ZNF804A: variants seen among roughly 807,000 people sequenced by gnomAD.
The protein encoded by ZNF804A is zinc finger protein 804A.
Under a neutral mutation model 16.5 loss-of-function variants are expected in ZNF804A, and 2 were observed. The observed-to-expected ratio is 0.12, with a 90% CI of 0.05 to 0.38. ZNF804A has a LOEUF of 0.38. Ranked by LOEUF, ZNF804A falls within the 10% of genes least tolerant of loss-of-function variation. The pLI, the probability that ZNF804A is intolerant of heterozygous loss-of-function variation, is 0.99. For synonymous variants in ZNF804A, 534 were observed against 489.6 expected (o/e 1.09, Z -1.20); for missense variants, 1,473 against 1,390.7 (o/e 1.06, Z -0.94).
intron 1 of ZNF804A, among the ~76,000 whole-genome samples, chr2:184,852,088 C>T (rs1160810301): frequency 6.6e-6 from 1 of 151,666 alleles, no homozygotes; most frequent in African/African-American, 2.4e-5. Context: ...GGTTATTAAA[C>T]CTTATCAAAT....
intron 1 of ZNF804A, among the ~76,000 whole-genome samples, chr2:184,607,967 A>C: frequency 3.4e-5 from 1 of 29,156 alleles, no homozygotes; most frequent in Non-Finnish European, 6.1e-5. Flanking sequence ...TTTTTTTGAG[A>C]CGGAGTCTCG....
intron 2 of ZNF804A, among the ~76,000 whole-genome samples, chr2:184,918,880 A>C (rs980726453): frequency 9.9e-5 from 15 of 152,178 alleles, no homozygotes; most frequent in African/African-American, 3.1e-4. Flanking sequence ...TGTTTAGTGT[A>C]AAGTGCCTGT....
intron 1 of ZNF804A, among the ~76,000 whole-genome samples, chr2:184,825,981 G>A (rs1037897515): frequency 2.6e-5 from 4 of 151,896 alleles, no homozygotes; most frequent in African/African-American, 7.3e-5. Flanking sequence ...AAGCGATTCT[G>A]TTACCTCATC....
At chr2:184,813,621 T>G (rs919393591) in intron 1 of ZNF804A, among the ~76,000 whole-genome samples, 2 of 152,042 alleles carry the variant, frequency 1.3e-5, no homozygotes, top group East Asian at 3.9e-4. Context: ...TAGCAGAAAT[T>G]TAAGAAGTGA....
At chr2:184,893,958 T>G (rs1261292803) in intron 2 of ZNF804A, among the ~76,000 whole-genome samples, 1 of 152,196 alleles carries the variant, frequency 6.6e-6, no homozygotes, top group East Asian at 1.9e-4. Context: ...AGATTCAGAA[T>G]GCCTAGCAAG....
At chr2:184,809,455 T>C (rs943301407) in intron 1 of ZNF804A, among the ~76,000 whole-genome samples, 8 of 151,834 alleles carry the variant, frequency 5.3e-5, no homozygotes, top group Admixed American at 4.6e-4. Context: ...ATTTAAAATA[T>C]AGAAAATATT....
chr2:184,599,981 A>T (rs1307669824), intron 1 of ZNF804A, among the ~76,000 whole-genome samples: 1 of 152,338 alleles, frequency 6.6e-6, no homozygotes, highest in East Asian at 1.9e-4. Flanking sequence ...ATAAAGGCTC[A>T]TTAGGCTTAG....
At chr2:184,766,995 A>G (rs937922625) in intron 1 of ZNF804A, among the ~76,000 whole-genome samples, 9 of 152,172 alleles carry the variant, frequency 5.9e-5, no homozygotes, top group African/African-American at 2.2e-4. Context: ...AGAGGCATGC[A>G]ACTACAGAAA....
intron 1 of ZNF804A, among the ~76,000 whole-genome samples, chr2:184,809,380 A>G (rs1264707073): frequency 6.6e-6 from 1 of 151,908 alleles, no homozygotes; most frequent in African/African-American, 2.4e-5. Context: ...ATTTCCTGAT[A>G]TAAGCCAATA....
intron 1 of ZNF804A, among the ~76,000 whole-genome samples, chr2:184,762,192 CTTTCT>C (rs1478457009): frequency 2.4e-3 from 270 of 110,784 alleles, no homozygotes; most frequent in African/African-American, 8.3e-3. Context: ...GAAATGCTTT[CTTTCT>C]TTTCTTTTCT....
At position 184,598,896 on chromosome 2, in the gene ZNF804A, C is replaced by A; in HGVS notation, c.-64C>A. 1 of 1,165,210 alleles carries A rather than the reference C, an allele frequency of 8.6e-7. No individual in the cohort carries two copies. The highest frequency in any genetic ancestry group is 2.8e-5 in the Admixed American group (1 of 36,030). The allele number at this position is 1,165,210 out of a possible 1,614,324, so 72.2% of individuals were successfully genotyped here. The stretch of plus-strand genomic sequence containing the variant: ...GCCCACCGTCGCCGGCCCCGGCGCG[C>A]TGCGGCTGTGGGCGCGGGGTGCGTG... On this transcript the variant is annotated 5_prime_UTR_variant, in exon 1 of 4. The change creates a new upstream start codon in the 5' untranslated region. Coordinates refer to ENST00000302277, the MANE Select transcript of ZNF804A (RefSeq NM_194250.2).
chr2:184,832,801 A>G (rs16826220), intron 1 of ZNF804A, among the ~76,000 whole-genome samples: 5,452 of 151,996 alleles, frequency 0.036, 323 homozygotes, highest in African/African-American at 0.12. Context: ...TATTATACCA[A>G]AAGTTCATTG....
At chr2:184,933,875 G>A in intron 3 of ZNF804A, 142 bp downstream of exon 3, 1 of 760,526 alleles carries the variant, frequency 1.3e-6, no homozygotes, top group South Asian at 3.1e-5. Flanking sequence ...TCTGTAGGCT[G>A]TAAACAGTAA....
chr2:184,789,953 T>A (rs912473199), intron 1 of ZNF804A, among the ~76,000 whole-genome samples: 1 of 152,092 alleles, frequency 6.6e-6, no homozygotes, highest in Non-Finnish European at 1.5e-5. Context: ...CTTTTTGACA[T>A]AGACATTTAA....
rs546451562 is a variant in ZNF804A at position 184,631,095 on chromosome 2, T to C, written c.111+32025T>C. Among the ~76,000 whole-genome samples the C allele has an allele frequency of 2.0e-5, 3 of 152,300 alleles. No individual in the cohort carries two copies. In the East Asian group the frequency reaches 5.8e-4, roughly 29 times the overall value. On this transcript the variant is annotated intron_variant, in intron 1 of 3. Coordinates refer to ENST00000302277, the MANE Select transcript of ZNF804A (RefSeq NM_194250.2). ...TCCTTAAATAGCTCTGGATTATATG[T>C]TGATATATTGTTTATTTATTTTGTG...
intron 2 of ZNF804A, among the ~76,000 whole-genome samples, chr2:184,895,775 T>C (rs1685055106): frequency 6.6e-6 from 1 of 152,372 alleles, no homozygotes; most frequent in East Asian, 1.9e-4. Context: ...GTAATTTCAC[T>C]GTAAAAAAGT....
At chr2:184,664,197 G>A (rs1386253925) in intron 1 of ZNF804A, among the ~76,000 whole-genome samples, 4 of 152,044 alleles carry the variant, frequency 2.6e-5, no homozygotes, top group Non-Finnish European at 4.4e-5. Flanking sequence ...CCAGTATTTA[G>A]CTTTCAGAAA....
chr2:184,733,863 C>A (rs181154762), intron 1 of ZNF804A, among the ~76,000 whole-genome samples: 1 of 150,208 alleles, frequency 6.7e-6, no homozygotes, highest in East Asian at 1.9e-4. Context: ...GTGGTTATGT[C>A]TCTTCTTTAA....
chr2:184,816,306 C>G (rs1694981325), intron 1 of ZNF804A, among the ~76,000 whole-genome samples: 1 of 151,994 alleles, frequency 6.6e-6, no homozygotes, highest in Non-Finnish European at 1.5e-5. Context: ...TGGGCTCTCC[C>G]TCCTACCTAA....
Sources: allele counts gnomAD v4.1 joint callset (sites outside exome capture counted in the v4.1 genomes callset), GRCh38; gene constraint gnomAD v4.1.1; transcripts MANE v1.5; gene names NCBI Gene and HGNC (gene_info 2026-07-23, HGNC 2026-07-21).